Variants in GRIA1 observed in about 807,000 individuals in gnomAD.
GRIA1 encodes glutamate receptor 1.
In GRIA1, 31 loss-of-function variants were observed where a neutral mutation model predicts 99.2. That is an observed-to-expected ratio of 0.31 (90% confidence interval 0.23 to 0.42). The LOEUF (loss-of-function observed/expected upper bound fraction) is 0.42, where lower values mean the gene tolerates loss of function less well. Among genes scored for constraint, GRIA1 ranks in the 10% least tolerant of loss-of-function variants. The pLI, the probability that GRIA1 is intolerant of heterozygous loss-of-function variation, is 1.00. For missense variants in GRIA1, 782 were observed against 1,157.5 expected, an observed-to-expected ratio of 0.68 and a Z score of 4.71; for synonymous variants, 438 against 432.4, an observed-to-expected ratio of 1.01 and a Z score of -0.16.
At chr5:153,612,826 G>T (rs535035395) in intron 2 of GRIA1, among the ~76,000 whole-genome samples, 1 of 152,112 alleles carries the variant, frequency 6.6e-6, no homozygotes, top group African/African-American at 2.4e-5. Context: ...AGTTCTGAGA[G>T]CCAGCGGCAG....
Position 153,811,066 on chromosome 5 carries a change from A to G in GRIA1, c.2562A>G (p.Ile854Met), listed in dbSNP as rs774790001. The G allele has an allele frequency of 7.4e-6, 12 of 1,614,182 alleles. No homozygotes were observed. Among genetic ancestry groups the G allele is most frequent in the Non-Finnish European group, 1.0e-5 (12 of 1,179,998 alleles). ...LIPQQSINEA[I>M]RTSTLPRNSG... ...CACAGCAATCCATCAACGAAGCCAT[A>G]CGGACATCGACCCTCCCCCGCAACA... The change falls in exon 16 of 16, where the codon ATA becomes ATG. Residue 854 changes from isoleucine to methionine, a missense_variant. By Grantham distance (10) the Ile-to-Met change is conservative. Coordinates refer to ENST00000285900, the MANE Select transcript of GRIA1 (RefSeq NM_000827.4).
intron 2 of GRIA1, among the ~76,000 whole-genome samples, chr5:153,536,944 C>A (rs1758633446): frequency 6.6e-6 from 1 of 152,176 alleles, no homozygotes; most frequent in African/African-American, 2.4e-5. Flanking sequence ...GTTATGCTAA[C>A]AGACAGACCT....
chr5:153,664,698 T>TG (rs1243370067), intron 5 of GRIA1, among the ~76,000 whole-genome samples: 1 of 152,184 alleles, frequency 6.6e-6, no homozygotes, highest in Non-Finnish European at 1.5e-5. Context: ...ATGTATAGCA[T>TG]GGGCCTGACA....
In GRIA1 at chr5:153,537,805, G is replaced by A. The variant is rs973882220; in HGVS notation, c.220+43740G>A. ...ATACTCTCAGCCCTTTTATCTGCAG[G>A]TTGATAAAAATCAATCAAAACATGA... On this transcript the variant is annotated intron_variant, in intron 2 of 15. Coordinates refer to ENST00000285900, the MANE Select transcript of GRIA1 (RefSeq NM_000827.4). 2.6e-5 allele frequency among the ~76,000 whole-genome samples: 4 copies of A among 152,142 alleles called. No homozygotes were observed. The East Asian group carries it at 5.8e-4, about 22-fold the overall frequency.
chr5:153,748,063 G>A (rs985297002), intron 11 of GRIA1, among the ~76,000 whole-genome samples: 10 of 152,150 alleles, frequency 6.6e-5, no homozygotes, highest in Admixed American at 1.3e-4. Context: ...TAAGACCCCC[G>A]CCCTCGCTGA....
intron 11 of GRIA1, among the ~76,000 whole-genome samples, chr5:153,709,165 T>C (rs1397315409): frequency 6.6e-6 from 1 of 152,226 alleles, no homozygotes; most frequent in Non-Finnish European, 1.5e-5. Flanking sequence ...TGTTTATATA[T>C]TTCCTGATGA....
intron 11 of GRIA1, among the ~76,000 whole-genome samples, chr5:153,716,274 C>T (rs986387787): frequency 3.9e-5 from 6 of 152,136 alleles, no homozygotes; most frequent in Admixed American, 2.0e-4. Context: ...TGTGGGTACC[C>T]AGCAGGGCTG....
intron 2 of GRIA1, among the ~76,000 whole-genome samples, chr5:153,551,352 T>C (rs931038308): frequency 2.6e-5 from 3 of 114,188 alleles, no homozygotes. Context: ...TTACAGTTTT[T>C]TTTGTTTGTT....
chr5:153,727,444 T>C (rs1272390472), intron 11 of GRIA1, among the ~76,000 whole-genome samples: 1 of 152,214 alleles, frequency 6.6e-6, no homozygotes, highest in Non-Finnish European at 1.5e-5. Flanking sequence ...GGAAGTCAAA[T>C]TGTCCCTGTG....
intron 8 of GRIA1, among the ~76,000 whole-genome samples, chr5:153,695,334 A>G (rs367718978): frequency 6.6e-6 from 1 of 152,250 alleles, no homozygotes. Flanking sequence ...GCTTTTAAAC[A>G]TCTATTTTTC....
At chr5:153,740,008 T>G (rs1209155868) in intron 11 of GRIA1, among the ~76,000 whole-genome samples, 1 of 152,262 alleles carries the variant, frequency 6.6e-6, no homozygotes, top group Non-Finnish European at 1.5e-5. Context: ...AAATATATGC[T>G]GATTGCTAAT....
At chr5:153,498,838 A>T (rs1463197802) in intron 2 of GRIA1, among the ~76,000 whole-genome samples, 1 of 152,172 alleles carries the variant, frequency 6.6e-6, no homozygotes, top group African/African-American at 2.4e-5. Flanking sequence ...ATAAACTCCC[A>T]AGTTAACCAA....
chr5:153,804,275 C>T (rs1381720260), intron 15 of GRIA1, among the ~76,000 whole-genome samples: 1 of 152,156 alleles, frequency 6.6e-6, no homozygotes, highest in East Asian at 1.9e-4. Flanking sequence ...ACAAGAACTA[C>T]AAAGGCATGG....
chr5:153,716,513 A>ATCTTTGTCT (rs1438924708), intron 11 of GRIA1, among the ~76,000 whole-genome samples: 1 of 152,088 alleles, frequency 6.6e-6, no homozygotes, highest in Non-Finnish European at 1.5e-5. Context: ...TCCTAAGAGT[A>ATCTTTGTCT]TCTTTGTCTT....
intron 2 of GRIA1, among the ~76,000 whole-genome samples, chr5:153,559,859 A>G (rs2149350959): frequency 6.6e-6 from 1 of 152,102 alleles, no homozygotes; most frequent in Middle Eastern, 3.4e-3. Context: ...TTGCCTACCT[A>G]CCCAGCTCCT....
At chr5:153,626,428 CTCTGTGTGTGTGTG>C (rs1435710764) in intron 2 of GRIA1, among the ~76,000 whole-genome samples, 4 of 141,492 alleles carry the variant, frequency 2.8e-5, no homozygotes, top group Non-Finnish European at 4.6e-5. Flanking sequence ...CAAATCTAGT[CTCTGTGTGTGTGTG>C]TCTGTGTGTG....
chr5:153,748,775 T>A (rs891880484), intron 11 of GRIA1, among the ~76,000 whole-genome samples: 1 of 152,176 alleles, frequency 6.6e-6, no homozygotes, highest in Non-Finnish European at 1.5e-5. Context: ...TGCCATTTCC[T>A]GAGATGAGGA....
At chr5:153,554,050 T>C (rs754047982) in intron 2 of GRIA1, among the ~76,000 whole-genome samples, 4 of 152,194 alleles carry the variant, frequency 2.6e-5, no homozygotes, top group African/African-American at 4.8e-5. Context: ...AGCTGATACA[T>C]AGAGAAAAAT....
intron 2 of GRIA1, among the ~76,000 whole-genome samples, chr5:153,628,867 G>A (rs1767884408): frequency 6.6e-6 from 1 of 152,170 alleles, no homozygotes; most frequent in African/African-American, 2.4e-5. Context: ...AGTGCAGAAG[G>A]ACAGTTACCA....
Sources: gnomAD v4.1 joint callset for allele counts (sites outside exome capture counted in the v4.1 genomes callset) on GRCh38, gnomAD v4.1.1 for gene constraint, MANE v1.5 for transcripts, NCBI Gene and HGNC (gene_info 2026-07-23, HGNC 2026-07-21) for gene names.